The following PKNOX1 variants were observed in gnomAD, a reference collection of about 807,000 sequenced individuals.
PKNOX1 encodes homeobox protein PKNOX1.
PKNOX1 carries 15 observed loss-of-function variants against 51.9 expected under a neutral mutation model. The observed-to-expected ratio is 0.29, with a 90% CI of 0.19 to 0.45. The LOEUF (loss-of-function observed/expected upper bound fraction) is 0.45, where lower values mean the gene tolerates loss of function less well. Among genes scored for constraint, PKNOX1 ranks in the 20% least tolerant of loss-of-function variants. The pLI is 1.00. For missense variants in PKNOX1, 462 were observed against 547.5 expected (o/e 0.84, Z 1.56); for synonymous variants, 219 against 211.1 (o/e 1.04, Z -0.32).
intron 1 of PKNOX1, among the ~76,000 whole-genome samples, chr21:43,003,713 C>T (rs1380654493): frequency 6.6e-6 from 1 of 152,206 alleles, no homozygotes; most frequent in East Asian, 1.9e-4. Context: ...CTGTCCTGCT[C>T]ACTGCCGCAC....
intron 1 of PKNOX1, among the ~76,000 whole-genome samples, chr21:42,992,817 C>T (rs969124585): frequency 1.4e-5 from 2 of 144,986 alleles, no homozygotes; most frequent in Non-Finnish European, 3.0e-5. Flanking sequence ...GGGGGGCTTC[C>T]TCACAGCAAT....
rs1008911850 is a variant in PKNOX1 at position 43,032,811 on chromosome 21, A to G, written c.*2710A>G. 3 of 152,236 alleles carry G rather than the reference A, an allele frequency of 2.0e-5. No homozygotes were observed. Among genetic ancestry groups the G allele is most frequent in the African/African-American group, 7.2e-5 (3 of 41,464 alleles). The allele number at this position is 152,236 out of a possible 1,614,324, so 9.4% of individuals were successfully genotyped here. A position where few individuals can be genotyped will look rare whatever the true frequency, so the allele number is the denominator to read the frequency against. On this transcript the variant is annotated 3_prime_UTR_variant, in exon 11 of 11. Transcript: ENST00000291547. Reference sequence around the variant, plus strand: ...ACTTAGAGAAAGGGTGCTTATGGACATAGCCTGAGTTTCCTTTAACCTCTC... The same window carrying G: ...ACTTAGAGAAAGGGTGCTTATGGACGTAGCCTGAGTTTCCTTTAACCTCTC...
chr21:43,008,917 A>G (rs1228502607), intron 3 of PKNOX1, among the ~76,000 whole-genome samples: 2 of 152,266 alleles, frequency 1.3e-5, no homozygotes, highest in Non-Finnish European at 2.9e-5. Context: ...ATAGCAGCAC[A>G]GCCTATCATG....
intron 8 of PKNOX1, among the ~76,000 whole-genome samples, chr21:43,023,017 C>A (rs1223419828): frequency 1.3e-5 from 2 of 152,074 alleles, no homozygotes; most frequent in African/African-American, 4.8e-5. Flanking sequence ...AAACAATAAA[C>A]CCTGCCCATC....
chr21:43,004,348 G>C lies in PKNOX1; in HGVS notation c.-34G>C. ...CAGACACCATTCGCTTTTCACCCAA[G>C]ATGATTTGATGTCTTATAAAACTCT... On this transcript the variant is annotated 5_prime_UTR_variant, in exon 2 of 11. Coordinates refer to ENST00000291547, the MANE Select transcript of PKNOX1 (RefSeq NM_004571.5). 3 of 1,469,936 alleles carry C rather than the reference G, an allele frequency of 2.0e-6. No homozygotes were observed. The highest frequency in any genetic ancestry group is 2.9e-6 in the Non-Finnish European group (3 of 1,048,880). 91.1% of individuals were successfully genotyped at this position (1,469,936 alleles called of 1,614,324 possible).
chr21:43,001,825 T>C (rs1012201861), intron 1 of PKNOX1, among the ~76,000 whole-genome samples: 1 of 151,932 alleles, frequency 6.6e-6, no homozygotes, highest in Non-Finnish European at 1.5e-5. Context: ...CCGGACGTAG[T>C]CGCAGGCGCC....
intron 1 of PKNOX1, among the ~76,000 whole-genome samples, chr21:42,992,469 A>G (rs1000574293): frequency 6.6e-6 from 1 of 152,152 alleles, no homozygotes; most frequent in Admixed American, 6.6e-5. Context: ...GCAAAAAACC[A>G]TTTTATTATG....
rs777678375 is a variant in PKNOX1, at chr21:43,007,569, C to A, written c.130C>A (p.Pro44Thr). The change falls in exon 3 of 11, where the codon CCT (proline) becomes ACT (threonine). Residue 44 changes from proline (P) to threonine (T), a missense_variant. Pro to Thr is a conservative substitution (Grantham distance 38). Transcript: ENST00000291547. ...CGATGCAGAAGGAGTGAGCCCTCCC[C>A]CTGTGGAGTCTCAGACCCCGATGGA... ...EPDAEGVSPP[P>T]VESQTPMDVD... The A allele has an allele frequency of 7.4e-6, 12 of 1,614,004 alleles. No individual in the cohort carries two copies. Among genetic ancestry groups the A allele is most frequent in the East Asian group, 2.2e-5 (1 of 44,892 alleles).
rs140747951 is a variant in PKNOX1 at position 43,021,210 on chromosome 21, C to T, written c.721-93C>T. ...CCTCGACTACAATCATTTCCCTGTC[C>T]GATCCTTGGCTGTTTTCTCCACCTG... On this transcript the variant is annotated intron_variant, in intron 7 of 10. Transcript: ENST00000291547. The surrounding 1 kb of genome is among the most constrained non-coding windows in gnomAD (Gnocchi z 4.6). 5.0e-4 allele frequency: 521 copies of T among 1,043,966 alleles called. No individual in the cohort carries two copies. The African/African-American group carries it at 5.5e-3, about 11-fold the overall frequency. 64.7% of individuals were successfully genotyped at this position (1,043,966 alleles called of 1,614,324 possible). A position where few individuals can be genotyped will look rare whatever the true frequency, so the allele number is the denominator to read the frequency against.
In PKNOX1 at chr21:43,030,048, G is replaced by A. The variant is rs770225586; in HGVS notation, c.1258G>A (p.Ala420Thr). Residue 420 changes from alanine (A) to threonine (T), a missense_variant, in exon 11 of 11, where the codon GCC becomes ACC. Physicochemically the swap from Ala to Thr is moderately conservative, Grantham distance 58 (BLOSUM62 0). Transcript: ENST00000291547. ...DSTEEDAGAL[A>T]PAHISGLVLE... ...CACAGAGGAGGATGCGGGTGCCCTG[G>A]CCCCTGCCCACATCAGCGGGCTGGT... The A allele has an allele frequency of 1.9e-6, 3 of 1,612,644 alleles. No individual in the cohort carries two copies. The African/African-American group carries it at 4.0e-5, about 22-fold the overall frequency.
At chr21:43,007,729 A>G in intron 3 of PKNOX1, 111 bp downstream of exon 3, 2 of 1,216,724 alleles carry the variant, frequency 1.6e-6, no homozygotes, top group Non-Finnish European at 2.4e-6. Context: ...AGGTGCCATT[A>G]TGATGTGATA....
chr21:42,990,711 T>G (rs2059082800), intron 1 of PKNOX1, among the ~76,000 whole-genome samples: 2 of 152,142 alleles, frequency 1.3e-5, no homozygotes, highest in African/African-American at 4.8e-5. Context: ...CATGGGAGCC[T>G]TTATAAGGAA....
intron 1 of PKNOX1, among the ~76,000 whole-genome samples, chr21:42,995,800 C>G (rs116682589): frequency 6.6e-6 from 1 of 152,202 alleles, no homozygotes; most frequent in Non-Finnish European, 1.5e-5. Flanking sequence ...AAACGGCTTA[C>G]TGTGGTGGTT....
At chr21:42,976,663 T>C (rs1380249270) in intron 1 of PKNOX1, among the ~76,000 whole-genome samples, 1 of 152,246 alleles carries the variant, frequency 6.6e-6, no homozygotes, top group Non-Finnish European at 1.5e-5. Flanking sequence ...CCACTTTCTT[T>C]GCTCATCCGT....
At chr21:43,018,289 G>A in intron 7 of PKNOX1, 59 bp downstream of exon 7, 1 of 1,051,848 alleles carries the variant, frequency 9.5e-7, no homozygotes, top group Non-Finnish European at 1.5e-6. Flanking sequence ...TAGGGGCACA[G>A]GTAGAACAAG....
Position 43,031,011 on chromosome 21 carries a change from T to C in PKNOX1, c.*910T>C, listed in dbSNP as rs1980242626. ...TAAACATATATCGAAAGATATCTGC[T>C]AAACAGGACTTCAGGTAAGTGAGGT... On this transcript the variant is annotated 3_prime_UTR_variant, in exon 11 of 11. Transcript: ENST00000291547. 1 of 152,604 alleles carries C rather than the reference T, an allele frequency of 6.6e-6. No homozygotes were observed. 9.5% of individuals were successfully genotyped at this position (152,604 alleles called of 1,614,324 possible). A position where few individuals can be genotyped will look rare whatever the true frequency, so the allele number is the denominator to read the frequency against.
At chr21:42,979,796 C>T (rs2059017637) in intron 1 of PKNOX1, among the ~76,000 whole-genome samples, 2 of 152,148 alleles carry the variant, frequency 1.3e-5, no homozygotes, top group African/African-American at 2.4e-5. Context: ...ATCTAAAATG[C>T]AGCAGTGTGT....
intron 8 of PKNOX1, among the ~76,000 whole-genome samples, chr21:43,022,808 T>A (rs1327895811): frequency 6.6e-6 from 1 of 152,048 alleles, no homozygotes; most frequent in East Asian, 1.9e-4. Context: ...ATAGTTAACA[T>A]GAGGAATGAG....
At chr21:43,020,434 A>G (rs1209055039) in intron 7 of PKNOX1, 2 of 152,388 alleles carry the variant, frequency 1.3e-5, no homozygotes, top group Non-Finnish European at 2.9e-5. Flanking sequence ...TAACGAGCAG[A>G]TCTTCTCTCG....
Sources: gnomAD v4.1 joint callset for allele counts (sites outside exome capture counted in the v4.1 genomes callset) on GRCh38, gnomAD v4.1.1 for gene constraint, Gnocchi (gnomAD v3.1) non-coding constraint, MANE v1.5 for transcripts, NCBI Gene and HGNC (gene_info 2026-07-23, HGNC 2026-07-21) for gene names.